ARSF: variants seen among roughly 807,000 people sequenced by gnomAD.
ARSF encodes arylsulfatase F.
A neutral mutation model predicts 35.4 loss-of-function variants in ARSF; 33 were observed. The observed-to-expected ratio is 0.93, with a 90% CI of 0.71 to 1.25. ARSF has a LOEUF of 1.25. Ranked by LOEUF, ARSF falls within the 50% of genes most tolerant of loss-of-function variation. ARSF has a pLI of 0.00. For synonymous variants in ARSF, 222 were observed against 193.1 expected (o/e 1.15, Z -1.24); for missense variants, 501 against 480.2 (o/e 1.04, Z -0.40).
At chrX:3,110,011 A>G in intron 9 of ARSF, 117 bp from the exon 10 acceptor site, 2 of 714,436 alleles carry the variant, frequency 2.8e-6, no homozygotes, top group South Asian at 9.3e-5. Context: ...AAGACTCAGT[A>G]CGCTGTCCTC....
chrX:3,099,895 C>T (rs980552126), intron 7 of ARSF, among the ~76,000 whole-genome samples: 3 of 111,181 alleles, frequency 2.7e-5, no homozygotes, highest in African/African-American at 6.5e-5. Flanking sequence ...ACTTGTGTGC[C>T]TTGGCTCTAG....
intron 7 of ARSF, among the ~76,000 whole-genome samples, chrX:3,095,386 T>C (rs1199913072): frequency 5.5e-5 from 6 of 108,294 alleles, no homozygotes; most frequent in Non-Finnish European, 9.5e-5. Flanking sequence ...ATATTATAGT[T>C]ATATTACTTA....
In ARSF at chrX:3,084,414, T is replaced by C. The variant is rs766786628; in HGVS notation, c.578T>C (p.Val193Ala). ...LAFESQLWLC[V>A]QLVAIAILTL... Reference sequence around the variant, plus strand: ...TTTGAGAGTCAGCTCTGGCTCTGTGTGCAGCTAGTTGCCATTGCCATCCTC... The same window carrying C: ...TTTGAGAGTCAGCTCTGGCTCTGTGCGCAGCTAGTTGCCATTGCCATCCTC... The change falls in exon 6 of 11, where the codon GTG becomes GCG. Residue 193 changes from valine (V) to alanine (A), a missense_variant. Coordinates refer to ENST00000381127, the MANE Select transcript of ARSF (RefSeq NM_001201539.2). The C allele has an allele frequency of 2.5e-6, 3 of 1,209,831 alleles. No homozygotes were observed. The highest frequency in any genetic ancestry group is 3.4e-6 in the Non-Finnish European group (3 of 895,285).
intron 1 of ARSF, among the ~76,000 whole-genome samples, chrX:3,042,698 A>T (rs1008743564): frequency 9.1e-6 from 1 of 109,805 alleles, no homozygotes; most frequent in Non-Finnish European, 1.9e-5. Context: ...GGGTCTTGCC[A>T]TGTTGGCCAG....
At chrX:3,070,267 G>A (rs960051587) in intron 2 of ARSF, among the ~76,000 whole-genome samples, 6 of 111,663 alleles carry the variant, frequency 5.4e-5, no homozygotes, top group African/African-American at 1.6e-4. Flanking sequence ...CGGTGTATAT[G>A]TACCGCATTT....
chrX:3,051,305 G>A (rs1236594479), intron 1 of ARSF, among the ~76,000 whole-genome samples: 2 of 111,809 alleles, frequency 1.8e-5, no homozygotes, highest in African/African-American at 6.5e-5. Flanking sequence ...CAACAACCCT[G>A]AGCACATGTT....
At chrX:3,080,472 C>A (rs200217811) in intron 4 of ARSF, among the ~76,000 whole-genome samples, 20 of 93,669 alleles carry the variant, frequency 2.1e-4, no homozygotes, top group East Asian at 6.8e-4. Flanking sequence ...GACTTCATCT[C>A]AAAAAAAAAA....
chrX:3,055,961 AT>A (rs1253102902), intron 1 of ARSF, among the ~76,000 whole-genome samples: 1 of 110,799 alleles, frequency 9.0e-6, no homozygotes, highest in African/African-American at 3.3e-5. Flanking sequence ...ATTAAAAAAA[AT>A]TTTTTTCGAG....
chrX:3,076,458 C>T (rs1219832764), intron 3 of ARSF, 90 bp from the exon 4 acceptor site: 1 of 1,022,738 alleles, frequency 9.8e-7, no homozygotes, highest in Non-Finnish European at 1.3e-6. Context: ...TCTGTTTGTC[C>T]TTCTCTGTCT....
intron 1 of ARSF, among the ~76,000 whole-genome samples, chrX:3,051,403 G>C (rs775483122): frequency 2.7e-5 from 3 of 111,873 alleles, no homozygotes; most frequent in Admixed American, 9.5e-5. Context: ...TACAGAGTTT[G>C]ACCCTTTTCA....
chrX:3,067,149 T>A (rs2090071450), intron 1 of ARSF, among the ~76,000 whole-genome samples: 2 of 106,630 alleles, frequency 1.9e-5, no homozygotes, highest in African/African-American at 6.9e-5. Context: ...TGTGTGTGTG[T>A]GAGTGTGCGT....
chrX:3,041,489 C>T lies in ARSF; in HGVS notation c.-203C>T, dbSNP rs765654404. ...TATTTTTAGTGGAGACAGGCTCTCA[C>T]CATGTTGACCAGGCTGGTCTCGAAC... On this transcript the variant is annotated 5_prime_UTR_variant, in exon 1 of 11. Coordinates refer to ENST00000381127, the MANE Select transcript of ARSF (RefSeq NM_001201539.2). 3 of 110,111 alleles carry T rather than the reference C, an allele frequency of 2.7e-5. No individual in the cohort carries two copies. The highest frequency in any genetic ancestry group is 5.7e-5 in the Non-Finnish European group (3 of 52,874). The allele number at this position is 110,111 out of a possible 1,213,427, so 9.1% of individuals were successfully genotyped here.
chrX:3,107,044 A>G (rs1310842870), intron 9 of ARSF, among the ~76,000 whole-genome samples: 1 of 112,110 alleles, frequency 8.9e-6, no homozygotes, highest in East Asian at 2.8e-4. Flanking sequence ...AATACCTAAT[A>G]CAATGTATGT....
chrX:3,101,232 G>C lies in ARSF; in HGVS notation c.1102+11G>C, dbSNP rs2090374639. 1 of 1,204,041 alleles carries C rather than the reference G, an allele frequency of 8.3e-7. No individual in the cohort carries two copies. Among genetic ancestry groups the C allele is most frequent in the Non-Finnish European group, 1.1e-6 (1 of 891,384 alleles). The stretch of plus-strand genomic sequence containing the variant: ...ATGGAATATACAAAGGTGAGGAGAG[G>C]AACTCATGCAAGTGATCTGGTGGTG... On this transcript the variant is annotated intron_variant, in intron 8 of 10. Coordinates refer to ENST00000381127, the MANE Select transcript of ARSF (RefSeq NM_001201539.2).
At chrX:3,075,429 C>T (rs773404827) in intron 3 of ARSF, among the ~76,000 whole-genome samples, 4 of 107,971 alleles carry the variant, frequency 3.7e-5, no homozygotes, top group Non-Finnish European at 5.8e-5. Flanking sequence ...TCTCCTCTTT[C>T]TGTCTCTACA....
intron 1 of ARSF, among the ~76,000 whole-genome samples, chrX:3,050,546 CAAAA>C (rs572650651): frequency 1.9e-5 from 1 of 53,250 alleles, no homozygotes; most frequent in Admixed American, 2.3e-4. Flanking sequence ...AACTCTGTCT[CAAAA>C]AAAAAAAAAA....
chrX:3,086,671 A>G (rs2090250847), intron 6 of ARSF, among the ~76,000 whole-genome samples: 1 of 110,621 alleles, frequency 9.0e-6, no homozygotes, highest in South Asian at 3.9e-4. Context: ...CAAAAAAATT[A>G]GTTGGATATG....
intron 4 of ARSF, among the ~76,000 whole-genome samples, chrX:3,079,970 C>CAAAA (rs1224175073): frequency 6.0e-3 from 169 of 28,136 alleles, no homozygotes; most frequent in African/African-American, 6.7e-3. Context: ...ACAACAACAA[C>CAAAA]AAAAAAAAAA....
chrX:3,109,474 C>T (rs921721761), intron 9 of ARSF, among the ~76,000 whole-genome samples: 2 of 111,042 alleles, frequency 1.8e-5, no homozygotes, highest in Non-Finnish European at 3.8e-5. Context: ...TTCAGGGTCC[C>T]ATGTGCAGGT....
Sources: gnomAD v4.1 joint callset for allele counts (sites outside exome capture counted in the v4.1 genomes callset) on GRCh38, gnomAD v4.1.1 for gene constraint, MANE v1.5 for transcripts, NCBI Gene and HGNC (gene_info 2026-07-23, HGNC 2026-07-21) for gene names.